LDLRAD4: variants seen among roughly 807,000 people sequenced by gnomAD.
LDLRAD4 encodes low density lipoprotein receptor class A domain containing 4.
Under a neutral mutation model 17.0 loss-of-function variants are expected in LDLRAD4, and 5 were observed. The ratio of observed to expected loss-of-function variants is 0.29; its 90% CI spans 0.15 to 0.62. LDLRAD4 has a LOEUF of 0.62. Ranked by LOEUF, LDLRAD4 falls within the 20% of genes least tolerant of loss-of-function variation. LDLRAD4 has a pLI of 0.84. For synonymous variants in LDLRAD4, 168 were observed against 171.8 expected (o/e 0.98, Z 0.17); for missense variants, 340 against 424.7 (o/e 0.80, Z 1.75).
chr18:13,380,013 C>T (rs981484252), intron 1 of LDLRAD4, among the ~76,000 whole-genome samples: 9 of 152,140 alleles, frequency 5.9e-5, no homozygotes, highest in African/African-American at 1.9e-4. Flanking sequence ...CCCGTCAGCC[C>T]GAGCCCTCAC....
chr18:13,312,306 C>T (rs2047283136), intron 1 of LDLRAD4, among the ~76,000 whole-genome samples: 1 of 152,168 alleles, frequency 6.6e-6, no homozygotes, highest in African/African-American at 2.4e-5. Context: ...TAGGCTTCTG[C>T]CTCATCCTGA....
At chr18:13,389,776 C>G (rs557152313) in intron 2 of LDLRAD4, among the ~76,000 whole-genome samples, 1 of 152,012 alleles carries the variant, frequency 6.6e-6, no homozygotes, top group African/African-American at 2.4e-5. Flanking sequence ...ATACCTCTGC[C>G]CCAAAGGAAA....
chr18:13,392,267 G>A (rs757152554), intron 2 of LDLRAD4, among the ~76,000 whole-genome samples: 2 of 152,264 alleles, frequency 1.3e-5, no homozygotes, highest in Non-Finnish European at 2.9e-5. Context: ...CATTTGTGAA[G>A]CTCTTTGCAG....
chr18:13,386,664 G>C (rs2085829596), intron 1 of LDLRAD4, among the ~76,000 whole-genome samples: 1 of 152,136 alleles, frequency 6.6e-6, no homozygotes, highest in Non-Finnish European at 1.5e-5. Context: ...TGCTTCTATT[G>C]TTATGTAACA....
intron 1 of LDLRAD4, among the ~76,000 whole-genome samples, chr18:13,320,094 ATT>A (rs1231167122): frequency 1.3e-5 from 2 of 152,226 alleles, no homozygotes; most frequent in Non-Finnish European, 2.9e-5. Flanking sequence ...CCATCCTGAG[ATT>A]TCAACTTTAG....
chr18:13,539,362 A>G (rs575706954), intron 3 of LDLRAD4, among the ~76,000 whole-genome samples: 108 of 152,272 alleles, frequency 7.1e-4, no homozygotes, highest in African/African-American at 2.5e-3. Flanking sequence ...ACGTAGCTCA[A>G]TTTCCTTTTG....
chr18:13,326,256 AG>A (rs1360233033), intron 1 of LDLRAD4, among the ~76,000 whole-genome samples: 2 of 152,134 alleles, frequency 1.3e-5, no homozygotes, highest in Non-Finnish European at 2.9e-5. Context: ...GTTTCCTTAA[AG>A]GGGGGAAGGC....
At chr18:13,525,834 G>A (rs937578633) in intron 3 of LDLRAD4, among the ~76,000 whole-genome samples, 3 of 152,320 alleles carry the variant, frequency 2.0e-5, no homozygotes, top group South Asian at 2.1e-4. Flanking sequence ...CAGGAGGAAC[G>A]GTTCTTCTCC....
At chr18:13,616,162 A>ACC (rs911443173) in intron 3 of LDLRAD4, 1 of 148,632 alleles carries the variant, frequency 6.7e-6, no homozygotes, top group Non-Finnish European at 1.5e-5. Context: ...CACCACAGCC[A>ACC]CCTCCCTGCC....
intron 2 of LDLRAD4, among the ~76,000 whole-genome samples, chr18:13,434,271 A>T (rs1464307491): frequency 6.6e-6 from 1 of 151,802 alleles, no homozygotes; most frequent in African/African-American, 2.4e-5. Flanking sequence ...TTAATAAGAA[A>T]TCAAATAGGA....
rs577082502 is a variant in LDLRAD4 at position 13,536,793 on chromosome 18, C to T, written c.182-84324C>T. ...GTACTTTTAATCAGATTGAGGAAGTCTCCTTCTGTTCCTACTTTGCTGGTA... is the reference window on the plus strand; with the variant it reads ...GTACTTTTAATCAGATTGAGGAAGTTTCCTTCTGTTCCTACTTTGCTGGTA... On this transcript the variant is annotated intron_variant, in intron 3 of 5. Coordinates refer to ENST00000359446, the Ensembl canonical transcript of LDLRAD4. 1.2e-4 allele frequency among the ~76,000 whole-genome samples: 18 copies of T among 152,216 alleles called. 1 individual carries two copies. The highest frequency in any genetic ancestry group is 4.1e-4 in the African/African-American group (17 of 41,548).
intron 2 of LDLRAD4, among the ~76,000 whole-genome samples, chr18:13,401,163 C>T (rs927838113): frequency 3.3e-5 from 5 of 151,848 alleles, no homozygotes; most frequent in Admixed American, 6.6e-5. Context: ...GCAGAGGACT[C>T]GGGCTGGAAC....
chr18:13,429,625 A>G (rs1290936556), intron 2 of LDLRAD4, among the ~76,000 whole-genome samples: 1 of 152,258 alleles, frequency 6.6e-6, no homozygotes, highest in Non-Finnish European at 1.5e-5. Flanking sequence ...ATCACTGATC[A>G]TAAGAATCGA....
At chr18:13,329,431 G>T (rs2081725672) in intron 1 of LDLRAD4, among the ~76,000 whole-genome samples, 1 of 152,262 alleles carries the variant, frequency 6.6e-6, no homozygotes, top group East Asian at 1.9e-4. Flanking sequence ...ACAGGTTTAT[G>T]AGCTGTTTGT....
intron 1 of LDLRAD4, among the ~76,000 whole-genome samples, chr18:13,257,796 G>A (rs541707937): frequency 1.3e-5 from 2 of 152,338 alleles, no homozygotes; most frequent in African/African-American, 4.8e-5. Flanking sequence ...CAGTCCACGG[G>A]ACAGCCTCAT....
chr18:13,464,623 G>T lies in LDLRAD4; in HGVS notation c.181+26239G>T, dbSNP rs368870789. On this transcript the variant is annotated intron_variant, in intron 3 of 5. Coordinates refer to ENST00000359446, the Ensembl canonical transcript of LDLRAD4. ...ACAGGGAATAATTTGAGGGGCCACCGTGTGTCTAGAACCTTCCACAGGGAA... is the reference window on the plus strand; with the variant it reads ...ACAGGGAATAATTTGAGGGGCCACCTTGTGTCTAGAACCTTCCACAGGGAA... Among the ~76,000 whole-genome samples the T allele has an allele frequency of 2.6e-4, 40 of 152,150 alleles. 3 individuals are homozygous for T. The highest frequency in any genetic ancestry group is 1.5e-3 in the East Asian group (8 of 5,194).
At chr18:13,447,195 G>A (rs1263445586) in intron 3 of LDLRAD4, among the ~76,000 whole-genome samples, 2 of 133,136 alleles carry the variant, frequency 1.5e-5, no homozygotes, top group African/African-American at 5.7e-5. Flanking sequence ...AGTGACCCAA[G>A]GTGGTATTTA....
chr18:13,225,530 G>T (rs1567906948), intron 1 of LDLRAD4, among the ~76,000 whole-genome samples: 1 of 152,194 alleles, frequency 6.6e-6, no homozygotes, highest in Non-Finnish European at 1.5e-5. Flanking sequence ...CCTGGTCTGG[G>T]CCCTGTCCAC....
At chr18:13,285,980 G>A (rs2045598403) in intron 1 of LDLRAD4, among the ~76,000 whole-genome samples, 3 of 152,114 alleles carry the variant, frequency 2.0e-5, no homozygotes, top group Non-Finnish European at 2.9e-5. Flanking sequence ...TTAAGCGTAC[G>A]GTTCTGTGGC....
Sources: allele counts gnomAD v4.1 joint callset (sites outside exome capture counted in the v4.1 genomes callset), GRCh38; gene constraint gnomAD v4.1.1; transcripts MANE v1.5; gene names NCBI Gene and HGNC (gene_info 2026-07-23, HGNC 2026-07-21).